The following KMT2E variants were observed in gnomAD, a reference collection of about 807,000 sequenced individuals.
KMT2E encodes lysine methyltransferase 2E (inactive), also known as histone reader KMT2E.
In KMT2E, 30 loss-of-function variants were observed where a neutral mutation model predicts 184.6. The ratio of observed to expected loss-of-function variants is 0.16; its 90% CI spans 0.12 to 0.22. The LOEUF (loss-of-function observed/expected upper bound fraction) is 0.22, where lower values mean the gene tolerates loss of function less well. KMT2E is among the 10% of genes least tolerant of loss of function. The pLI, the probability that KMT2E is intolerant of heterozygous loss-of-function variation, is 1.00. For synonymous variants in KMT2E, 815 were observed against 776.5 expected, an observed-to-expected ratio of 1.05 and a Z score of -0.82; for missense variants, 2,023 against 2,237.4, an observed-to-expected ratio of 0.90 and a Z score of 1.93.
chr7:105,042,984 G>A (rs1436627792), intron 3 of KMT2E, among the ~76,000 whole-genome samples: 3 of 152,048 alleles, frequency 2.0e-5, no homozygotes, highest in Non-Finnish European at 4.4e-5. Flanking sequence ...AAAATTAGAG[G>A]TTTTACCTAA....
At chr7:105,015,799 T>G (rs1466816012) in intron 1 of KMT2E, among the ~76,000 whole-genome samples, 1 of 152,162 alleles carries the variant, frequency 6.6e-6, no homozygotes, top group Non-Finnish European at 1.5e-5. Context: ...CTGTTTTTCC[T>G]TCCCCGAGCC....
At chr7:105,099,261 A>T (rs1285865978) in intron 15 of KMT2E, among the ~76,000 whole-genome samples, 1 of 152,206 alleles carries the variant, frequency 6.6e-6, no homozygotes, top group Non-Finnish European at 1.5e-5. Context: ...GTTTTGCTTT[A>T]TGTAGCGGCA....
At chr7:105,059,978 GTTTTTTTTTTTTTTT>G (rs67291226) in intron 3 of KMT2E, among the ~76,000 whole-genome samples, 146 of 51,804 alleles carry the variant, frequency 2.8e-3, no homozygotes, top group African/African-American at 6.2e-3. Flanking sequence ...TCTTGTTGTT[GTTTTTTTTTTTTTTT>G]TTTTTTTTTT....
At chr7:105,076,330 G>A (rs1035703924) in intron 9 of KMT2E, among the ~76,000 whole-genome samples, 5 of 152,180 alleles carry the variant, frequency 3.3e-5, no homozygotes, top group African/African-American at 1.2e-4. Flanking sequence ...TGGGCAATTT[G>A]AATTTCCTTT....
chr7:105,089,232 T>C (rs970776641), intron 13 of KMT2E: 16 of 403,922 alleles, frequency 4.0e-5, no homozygotes, highest in Non-Finnish European at 7.7e-5. Context: ...GCAGTCTCAC[T>C]CTGTCACCCA....
intron 15 of KMT2E, 168 bp downstream of exon 15, chr7:105,091,482 C>T: frequency 1.6e-6 from 1 of 631,824 alleles, no homozygotes; most frequent in Non-Finnish European, 2.9e-6. Context: ...TTCCATTAAT[C>T]TTGTATTTTT....
chr7:105,034,328 G>A (rs1310111154), intron 1 of KMT2E, among the ~76,000 whole-genome samples: 1 of 152,062 alleles, frequency 6.6e-6, no homozygotes, highest in Non-Finnish European at 1.5e-5. Flanking sequence ...AAACTCCTAG[G>A]CTCAGACGAT....
rs551843063 is a variant in KMT2E, at chr7:105,054,735, G to A, written c.72-7429G>A. 2.0e-5 allele frequency among the ~76,000 whole-genome samples: 3 copies of A among 152,192 alleles called. No homozygotes were observed. In the South Asian group the frequency reaches 6.2e-4, roughly 32 times the overall value. On this transcript the variant is annotated intron_variant, in intron 3 of 26. Coordinates refer to ENST00000311117, the MANE Select transcript of KMT2E (RefSeq NM_182931.3). ...CACCATGTTGGTCAGGCTTGATCTC[G>A]AACTCCTGACCTCAGGTGATCCACC...
At chr7:105,107,948 G>T in intron 22 of KMT2E, 23 bp downstream of exon 22, 4 of 1,469,504 alleles carry the variant, frequency 2.7e-6, no homozygotes, top group Non-Finnish European at 3.7e-6. Flanking sequence ...ACAATTTATA[G>T]TCCTTTTAAT....
intron 3 of KMT2E, 42 bp downstream of exon 3, chr7:105,041,065 A>C (rs777821697): frequency 1.3e-5 from 16 of 1,252,952 alleles, no homozygotes; most frequent in Non-Finnish European, 1.8e-5. Flanking sequence ...AAAAAAAAAA[A>C]ACCCTTCTGG....
At position 105,077,010 on chromosome 7, in the gene KMT2E, A is replaced by G. The variant is rs747802687; in HGVS notation, c.816A>G (p.Gly272=). 8.7e-6 allele frequency: 14 copies of G among 1,613,584 alleles called. No homozygotes were observed. The East Asian group carries it at 2.9e-4, about 33-fold the overall frequency. Residue 272 remains glycine (G), a synonymous_variant, in exon 10 of 27, where the codon GGA becomes GGG. Transcript: ENST00000311117. ...IDPSSDGSNF[G]WETKIKAWMD... is the part of the protein sequence containing the mutation. ...CTTCATCTGATGGTTCAAATTTTGG[A>G]TGGGAGACAAAGATCAAAGCATGGA...
intron 1 of KMT2E, among the ~76,000 whole-genome samples, chr7:105,027,091 T>A (rs201093082): frequency 0.029 from 4,199 of 146,078 alleles, 132 homozygotes; most frequent in East Asian, 0.17. Context: ...TTTTTTTTTT[T>A]TTTTTTTGGA....
At chr7:105,023,549 A>G (rs1176935315) in intron 1 of KMT2E, among the ~76,000 whole-genome samples, 2 of 148,122 alleles carry the variant, frequency 1.4e-5, no homozygotes, top group African/African-American at 5.0e-5. Context: ...GGTTCATGCC[A>G]TTCTCCTGCC....
Position 105,107,756 on chromosome 7 carries a change from G to C in KMT2E, c.3299G>C (p.Arg1100Pro). 6.2e-7 allele frequency: 1 copy of C among 1,614,100 alleles called. No individual in the cohort carries two copies. Among genetic ancestry groups the C allele is most frequent in the Non-Finnish European group, 8.5e-7 (1 of 1,180,004 alleles). The change falls in exon 22 of 27, where the codon CGA (arginine) becomes CCA (proline). Residue 1100 changes from arginine (R) to proline (P), a missense_variant. By Grantham distance (103) the Arg-to-Pro change is moderately radical. Transcript: ENST00000311117. ...SHQLEVGGGF[R>P]ISESKCLMQD... ...CAGTTGGAGGTTGGAGGAGGCTTCC[G>C]AATAAGTGAGTCAAAGTGCCTGATG... is the stretch of plus-strand genomic sequence containing the variant.
chr7:105,040,812 T>A, intron 2 of KMT2E, 27 bp from the exon 3 acceptor site: 1 of 500,034 alleles, frequency 2.0e-6, no homozygotes, highest in Non-Finnish European at 3.6e-6. Flanking sequence ...TGACTGTTGC[T>A]TTTTTGTCTC....
chr7:105,029,665 G>A (rs1325158924), intron 1 of KMT2E, among the ~76,000 whole-genome samples: 1 of 152,140 alleles, frequency 6.6e-6, no homozygotes. Context: ...GAAAGAAGGA[G>A]AAGAGAATGG....
intron 1 of KMT2E, among the ~76,000 whole-genome samples, chr7:105,021,180 G>A (rs1794935860): frequency 6.6e-6 from 1 of 152,144 alleles, no homozygotes. Flanking sequence ...GCCATAAATA[G>A]GGGTCTCAGG....
chr7:105,090,039 A>G lies in KMT2E; in HGVS notation c.1389A>G (p.Lys463=). 2 of 1,613,500 alleles carry G rather than the reference A, an allele frequency of 1.2e-6. No homozygotes were observed. The highest frequency in any genetic ancestry group is 1.7e-6 in the Non-Finnish European group (2 of 1,179,812). Residue 463 remains lysine (K), a synonymous_variant, in exon 14 of 27, where the codon AAA becomes AAG. Transcript: ENST00000311117. ...ACAAGGTGGACTGTGCATGCCTCAA[A>G]GAAAACCCAGAGTGCCCTGTTCTAA... ...CKYKVDCACL[K]ENPECPVLKR... is the part of the protein sequence containing the mutation.
At position 105,039,507 on chromosome 7, in the gene KMT2E, T is replaced by G. The variant is rs556990103; in HGVS notation, c.-115+1308T>G. On this transcript the variant is annotated intron_variant, in intron 2 of 26. Coordinates refer to ENST00000311117, the MANE Select transcript of KMT2E (RefSeq NM_182931.3). ...ACAGTGTTTCTTCAAGTAGCAATTC[T>G]TATATCTGCCTGTAATATTTAGTTA... Among the ~76,000 whole-genome samples the G allele has an allele frequency of 1.4e-4, 21 of 152,320 alleles. No homozygotes were observed. The East Asian group carries it at 3.9e-3, about 28-fold the overall frequency.
Sources: allele counts gnomAD v4.1 joint callset (sites outside exome capture counted in the v4.1 genomes callset), GRCh38; gene constraint gnomAD v4.1.1; transcripts MANE v1.5; gene names NCBI Gene and HGNC (gene_info 2026-07-23, HGNC 2026-07-21).